The following MRC2 variants were observed in gnomAD, a reference collection of about 807,000 sequenced individuals.
The protein encoded by MRC2 is C-type mannose receptor 2.
A neutral mutation model predicts 206.2 loss-of-function variants in MRC2; 84 were observed. The observed-to-expected ratio is 0.41, with a 90% CI of 0.34 to 0.49. The LOEUF is 0.49. Ranked by LOEUF, MRC2 falls within the 20% of genes least tolerant of loss-of-function variation. The pLI, the probability that MRC2 is intolerant of heterozygous loss-of-function variation, is 0.31. For missense variants in MRC2, 1,676 were observed against 2,001.5 expected (o/e 0.84, Z 3.10); for synonymous variants, 798 against 800.0 (o/e 1.00, Z 0.04).
At chr17:62,673,520 T>C (rs974259367) in intron 8 of MRC2, among the ~76,000 whole-genome samples, 2 of 151,434 alleles carry the variant, frequency 1.3e-5, no homozygotes, top group African/African-American at 2.4e-5. Context: ...TTTTTTTTTT[T>C]TTTTTTGAGA....
chr17:62,654,029 C>T (rs2088589073), intron 1 of MRC2, among the ~76,000 whole-genome samples: 1 of 152,122 alleles, frequency 6.6e-6, no homozygotes, highest in Admixed American at 6.5e-5. Flanking sequence ...GACTCAAGGA[C>T]ATTTCCAGGC....
At position 62,678,057 on chromosome 17, in the gene MRC2, A is replaced by C. The variant is rs1359200300; in HGVS notation, c.2053-447A>C. ...AGAGCGAGACTCCGTCTCAAAAATA[A>C]ATAAATAAATAAATAAAGATAAAAA... On this transcript the variant is annotated intron_variant, in intron 12 of 29. Transcript: ENST00000303375. Among the ~76,000 whole-genome samples the C allele has an allele frequency of 3.3e-5, 5 of 152,176 alleles. No individual in the cohort carries two copies. In the East Asian group the frequency reaches 9.6e-4, roughly 29 times the overall value.
rs551196780 is a variant in MRC2, at chr17:62,662,904, C to T, written c.119-1644C>T. Among the ~76,000 whole-genome samples the T allele has an allele frequency of 1.7e-4, 26 of 152,008 alleles. No homozygotes were observed. The South Asian group carries it at 2.7e-3, about 16-fold the overall frequency. ...AGCCTGGGCAACACGAGCAATAGTC[C>T]GTCTCAAAAAAGAAACAAAAAAAAG... On this transcript the variant is annotated intron_variant, in intron 1 of 29. Coordinates refer to ENST00000303375, the MANE Select transcript of MRC2 (RefSeq NM_006039.5).
In MRC2 at chr17:62,680,235, G is replaced by A; in HGVS notation, c.2364G>A (p.Leu788=). The part of the protein sequence containing the change: ...DDDDIRGCAV[L]DLASLQWVAM... ...ACGACATCCGAGGCTGTGCGGTGCTGGACCTGGCCTCCCTGCAGTGGGTGG... is the reference window on the plus strand; with the variant it reads ...ACGACATCCGAGGCTGTGCGGTGCTAGACCTGGCCTCCCTGCAGTGGGTGG... The change falls in exon 15 of 30, where the codon CTG becomes CTA. Residue 788 remains leucine (L), a synonymous_variant. Transcript: ENST00000303375. This position sits in a 1 kb window ranked among gnomAD's most constrained non-coding sequence, Gnocchi z 4.8. 1 of 1,614,128 alleles carries A rather than the reference G, an allele frequency of 6.2e-7. No homozygotes were observed. The highest frequency in any genetic ancestry group is 8.5e-7 in the Non-Finnish European group (1 of 1,180,002).
Position 62,671,723 on chromosome 17 carries a change from G to C in MRC2, c.1192G>C (p.Ala398Pro). ...PFQGHCYRLQAEKRSWQESKK... is the reference protein window; with the variant it reads ...PFQGHCYRLQPEKRSWQESKK... ...CCAGGGCCACTGCTACCGCCTGCAG[G>C]CCGAGAAGCGCAGCTGGCAGGAGTC... The change falls in exon 7 of 30, where the codon GCC becomes CCC. Residue 398 changes from alanine to proline, a missense_variant. This residue lies in a region of MRC2 where 1,354 missense variants were observed against 1,636.6 expected (regional missense o/e 0.83). Transcript: ENST00000303375. The surrounding 1 kb of genome is among the most constrained non-coding windows in gnomAD (Gnocchi z 4.5). 1.2e-6 allele frequency: 2 copies of C among 1,612,946 alleles called. No homozygotes were observed. Among genetic ancestry groups the C allele is most frequent in the South Asian group, 1.1e-5 (1 of 90,940 alleles).
intron 11 of MRC2, 35 bp from the exon 12 acceptor site, chr17:62,677,234 T>G (rs1345051207): frequency 6.6e-7 from 1 of 1,513,458 alleles, no homozygotes; most frequent in South Asian, 1.2e-5. Flanking sequence ...TATGAATCCT[T>G]CTCAGAGCCT....
intron 1 of MRC2, among the ~76,000 whole-genome samples, chr17:62,647,186 C>T (rs373955880): frequency 1.5e-4 from 20 of 136,340 alleles, no homozygotes; most frequent in African/African-American, 2.2e-4. Flanking sequence ...TTTTCTTTTT[C>T]TTTTTTTTTT....
At chr17:62,655,747 AAAG>A (rs1331950269) in intron 1 of MRC2, among the ~76,000 whole-genome samples, 4 of 151,956 alleles carry the variant, frequency 2.6e-5, no homozygotes, top group Non-Finnish European at 1.5e-5. Context: ...AAGAAAAAGA[AAAG>A]AAAAAAAGAA....
At chr17:62,632,036 C>T (rs889534061) in intron 1 of MRC2, among the ~76,000 whole-genome samples, 12 of 152,038 alleles carry the variant, frequency 7.9e-5, no homozygotes, top group Non-Finnish European at 1.6e-4. Flanking sequence ...GGGAGGGGGC[C>T]GCTTTCCCAC....
chr17:62,656,781 T>G (rs1438575843), intron 1 of MRC2, among the ~76,000 whole-genome samples: 2 of 152,206 alleles, frequency 1.3e-5, no homozygotes, highest in Non-Finnish European at 2.9e-5. Flanking sequence ...CCCAGCTGGC[T>G]GCAGATGATC....
Position 62,677,465 on chromosome 17 carries a change from C to T in MRC2, c.2031C>T (p.Thr677=), listed in dbSNP as rs1248415638. 3.7e-6 allele frequency: 6 copies of T among 1,606,400 alleles called. No individual in the cohort carries two copies. Among genetic ancestry groups the T allele is most frequent in the Non-Finnish European group, 4.3e-6 (5 of 1,175,616 alleles). Residue 677 remains threonine, a synonymous_variant, in exon 12 of 30, where the codon ACC becomes ACT. Transcript: ENST00000303375. ...GSCPQGWASD[T]KLRYCYKVFS... ...GTCCCCAGGGCTGGGCCTCGGACAC[C>T]AAACTCCGGTATTGCTATAAGGTAG...
At chr17:62,639,241 G>C (rs1035657636) in intron 1 of MRC2, among the ~76,000 whole-genome samples, 1 of 151,898 alleles carries the variant, frequency 6.6e-6, no homozygotes, top group East Asian at 2.0e-4. Flanking sequence ...TTGGGGAGGG[G>C]GCTGAGGCAG....
In MRC2 at chr17:62,674,144, G is replaced by C; in HGVS notation, c.1543G>C (p.Ala515Pro). ...GGCAGGCCAGCTGAGCCAGGGGGCC[G>C]CCGAGGAGGACCATGGCTGCCGGAA... ...KKAGQLSQGA[A>P]EEDHGCRKGW... Residue 515 changes from alanine (A) to proline (P), a missense_variant, in exon 9 of 30, where the codon GCC becomes CCC. By Grantham distance (27) the Ala-to-Pro change is conservative (BLOSUM62 -1). Transcript: ENST00000303375. 1 of 1,552,390 alleles carries C rather than the reference G, an allele frequency of 6.4e-7. No individual in the cohort carries two copies. Among genetic ancestry groups the C allele is most frequent in the Non-Finnish European group, 8.7e-7 (1 of 1,147,622 alleles).
intron 20 of MRC2, among the ~76,000 whole-genome samples, chr17:62,683,503 A>G (rs1466332685): frequency 6.6e-6 from 1 of 150,434 alleles, no homozygotes; most frequent in African/African-American, 2.4e-5. Context: ...AACAACAAAA[A>G]AAACACCTTT....
In MRC2 at chr17:62,664,484, C is replaced by A. The variant is rs2088721371; in HGVS notation, c.119-64C>A. 6.5e-7 allele frequency: 1 copy of A among 1,531,664 alleles called. No individual in the cohort carries two copies. The highest frequency in any genetic ancestry group is 8.8e-7 in the Non-Finnish European group (1 of 1,135,936). 94.9% of individuals were successfully genotyped at this position (1,531,664 alleles called of 1,614,324 possible). Reference sequence around the variant, plus strand: ...ACATGGTAGGTGCCTGTCAGCCACACCGGTCATCAAGGGCCAACCAGGAGA... The same window carrying A: ...ACATGGTAGGTGCCTGTCAGCCACAACGGTCATCAAGGGCCAACCAGGAGA... On this transcript the variant is annotated intron_variant, in intron 1 of 29. Transcript: ENST00000303375. The surrounding 1 kb of genome is among the most constrained non-coding windows in gnomAD (Gnocchi z 4.7).
intron 24 of MRC2, 39 bp downstream of exon 24, chr17:62,689,799 C>T: frequency 5.9e-6 from 9 of 1,529,174 alleles, no homozygotes; most frequent in Non-Finnish European, 7.9e-6. Context: ...CCCAGCCTTG[C>T]CCGGGTTCCC....
In MRC2 at chr17:62,680,806, G is replaced by T; in HGVS notation, c.2480G>T (p.Arg827Leu). 6 of 1,609,980 alleles carry T rather than the reference G, an allele frequency of 3.7e-6. No homozygotes were observed. The highest frequency in any genetic ancestry group is 2.2e-5 in the South Asian group (2 of 90,664). ...REPDDSPQGRREWLRFQEAEY... is the reference protein window; with the variant it reads ...REPDDSPQGRLEWLRFQEAEY... ...GCCCGCGCTGCTCCTGCAGGCCGAC[G>T]GGAATGGCTGCGCTTCCAGGAGGCC... The change falls in exon 17 of 30, where the codon CGG becomes CTG. Residue 827 changes from arginine (R) to leucine (L), a missense_variant. By Grantham distance (102) the Arg-to-Leu change is moderately radical. Around this residue, in one of 3 missense-constraint regions of MRC2, gnomAD observed 1,354 missense variants for 1,636.6 expected, o/e 0.83. Transcript: ENST00000303375. The surrounding 1 kb of genome is among the most constrained non-coding windows in gnomAD (Gnocchi z 4.8).
intron 12 of MRC2, among the ~76,000 whole-genome samples, chr17:62,677,783 G>A (rs1214330902): frequency 2.0e-5 from 3 of 152,200 alleles, no homozygotes; most frequent in African/African-American, 7.2e-5. Context: ...CGGGCGCAGT[G>A]GCTCACACCT....
intron 28 of MRC2, among the ~76,000 whole-genome samples, chr17:62,691,900 T>C (rs917097762): frequency 6.6e-6 from 1 of 151,530 alleles, no homozygotes. Flanking sequence ...CCTAGCTGAG[T>C]GCAGCATGGC....
Sources: gnomAD v4.1 joint callset for allele counts (sites outside exome capture counted in the v4.1 genomes callset) on GRCh38, gnomAD v4.1.1 for gene constraint, gnomAD v4.1.1 regional missense constraint, Gnocchi (gnomAD v3.1) non-coding constraint, MANE v1.5 for transcripts, NCBI Gene and HGNC (gene_info 2026-07-23, HGNC 2026-07-21) for gene names.